The following SH2D4B variants were observed in gnomAD, a reference collection of about 807,000 sequenced individuals.
SH2D4B encodes SH2 domain containing 4B.
Under a neutral mutation model 61.5 loss-of-function variants are expected in SH2D4B, and 45 were observed. The ratio of observed to expected loss-of-function variants is 0.73; its 90% CI spans 0.58 to 0.94. SH2D4B has a LOEUF of 0.94. Ranked by LOEUF, SH2D4B falls within the 40% of genes least tolerant of loss-of-function variation. SH2D4B has a pLI of 0.00. For missense variants in SH2D4B, 572 were observed against 574.2 expected (o/e 1.00, Z 0.04); for synonymous variants, 224 against 220.4 (o/e 1.02, Z -0.14).
chr10:80,565,630 G>T (rs1459001823), intron 1 of SH2D4B, among the ~76,000 whole-genome samples: 1 of 152,024 alleles, frequency 6.6e-6, no homozygotes, highest in South Asian at 2.1e-4. Context: ...TGCTGCAATG[G>T]GTAATACTAG....
Position 80,538,602 on chromosome 10 carries a change from A to G in SH2D4B, c.184+87A>G, listed in dbSNP as rs919256830. ...CAGGGCCAGGCTGTGCCCTTCTTCA[A>G]GATGGGCACTGGGGTGATGAGGGCT... On this transcript the variant is annotated intron_variant, in intron 1 of 7. Transcript: ENST00000646907. This position sits in a 1 kb window ranked among gnomAD's most constrained non-coding sequence, Gnocchi z 4.8. 3.5e-6 allele frequency: 4 copies of G among 1,141,308 alleles called. No individual in the cohort carries two copies. In the African/African-American group the frequency reaches 4.8e-5, roughly 14 times the overall value. The allele number at this position is 1,141,308 out of a possible 1,614,324, so 70.7% of individuals were successfully genotyped here. A position where few individuals can be genotyped will look rare whatever the true frequency, so the allele number is the denominator to read the frequency against.
At chr10:80,570,946 C>T (rs1362203010) in intron 2 of SH2D4B, among the ~76,000 whole-genome samples, 1 of 152,128 alleles carries the variant, frequency 6.6e-6, no homozygotes, top group Non-Finnish European at 1.5e-5. Context: ...ATGATCAAGG[C>T]TCACTGCAGC....
At chr10:80,613,664 G>T (rs953982114) in intron 6 of SH2D4B, among the ~76,000 whole-genome samples, 1 of 152,238 alleles carries the variant, frequency 6.6e-6, no homozygotes, top group East Asian at 1.9e-4. Flanking sequence ...ATGCTTCTTC[G>T]TGAGCAAGCA....
At position 80,615,401 on chromosome 10, in the gene SH2D4B, A is replaced by G. The variant is rs77520916; in HGVS notation, c.988+5850A>G. ...TATTCCATTCTGGCTGTCTCTTTGC[A>G]TATACTGCCATCCAGGGATGGAAAC... On this transcript the variant is annotated intron_variant, in intron 6 of 7. Transcript: ENST00000646907. Among the ~76,000 whole-genome samples, 825 of 152,312 alleles carry G rather than the reference A, an allele frequency of 5.4e-3. 7 individuals are homozygous for G. The highest frequency in any genetic ancestry group is 0.019 in the African/African-American group (778 of 41,572).
chr10:80,577,721 C>T (rs533867938), intron 3 of SH2D4B, among the ~76,000 whole-genome samples: 80 of 150,870 alleles, frequency 5.3e-4, no homozygotes, highest in African/African-American at 1.5e-3. Flanking sequence ...CCACAGCGCC[C>T]GGCCTTTTTT....
At chr10:80,610,149 A>G (rs1434820247) in intron 6 of SH2D4B, among the ~76,000 whole-genome samples, 1 of 152,114 alleles carries the variant, frequency 6.6e-6, no homozygotes, top group Non-Finnish European at 1.5e-5. Flanking sequence ...TCTGTCTTCC[A>G]GCAGCTCTTT....
In SH2D4B at chr10:80,538,390, G is replaced by A. The variant is rs776053038; in HGVS notation, c.59G>A (p.Ser20Asn). Residue 20 changes from serine to asparagine, a missense_variant, in exon 1 of 8, where the codon AGC becomes AAC. Ser to Asn is a conservative substitution (Grantham distance 46, BLOSUM62 1). Coordinates refer to ENST00000646907, the MANE Select transcript of SH2D4B (RefSeq NM_001388272.1). This position sits in a 1 kb window ranked among gnomAD's most constrained non-coding sequence, Gnocchi z 4.8. The stretch of plus-strand genomic sequence containing the variant: ...GACCCCGAGCTCCTTGCCGAGCTCA[G>A]CGATGTGCAGAAGCACATCCTCTTC... ...YIDPELLAEL[S>N]DVQKHILFYK... 19 of 1,445,064 alleles carry A rather than the reference G, an allele frequency of 1.3e-5. No homozygotes were observed. The highest frequency in any genetic ancestry group is 1.6e-5 in the Non-Finnish European group (18 of 1,096,030). The allele number at this position is 1,445,064 out of a possible 1,614,324, so 89.5% of individuals were successfully genotyped here.
In SH2D4B at chr10:80,568,772, A is replaced by T. The variant is rs576724120; in HGVS notation, c.185-1382A>T. Among the ~76,000 whole-genome samples the T allele has an allele frequency of 7.6e-4, 115 of 152,272 alleles. No individual in the cohort carries two copies. The Middle Eastern group carries it at 0.014, about 18-fold the overall frequency. ...TTCCCTTTCTTTCAGCTTGCAAAGC[A>T]CTCAGTTCTTTCTTGAATTCATTTC... On this transcript the variant is annotated intron_variant, in intron 1 of 7. Coordinates refer to ENST00000646907, the MANE Select transcript of SH2D4B (RefSeq NM_001388272.1).
intron 6 of SH2D4B, among the ~76,000 whole-genome samples, chr10:80,633,424 A>C (rs924720673): frequency 6.6e-6 from 1 of 152,186 alleles, no homozygotes; most frequent in Non-Finnish European, 1.5e-5. Context: ...TGATCATCTA[A>C]ATGTCAAAGG....
intron 1 of SH2D4B, among the ~76,000 whole-genome samples, chr10:80,546,190 G>A (rs367639275): frequency 1.2e-4 from 18 of 150,144 alleles, no homozygotes; most frequent in East Asian, 3.9e-4. Context: ...GACTACAGGC[G>A]TGTGCCACCA....
At chr10:80,540,167 A>T (rs1841559345) in intron 1 of SH2D4B, among the ~76,000 whole-genome samples, 1 of 152,180 alleles carries the variant, frequency 6.6e-6, no homozygotes, top group Non-Finnish European at 1.5e-5. Context: ...TTTTTCTGGT[A>T]ATTAATTTTC....
chr10:80,545,591 A>G (rs1841666000), intron 1 of SH2D4B, among the ~76,000 whole-genome samples: 1 of 146,720 alleles, frequency 6.8e-6, no homozygotes, highest in Admixed American at 6.7e-5. Flanking sequence ...TTGCTTGTTT[A>G]CGGTCCATCT....
chr10:80,579,140 G>A (rs1358920513), intron 3 of SH2D4B, among the ~76,000 whole-genome samples: 1 of 152,148 alleles, frequency 6.6e-6, no homozygotes, highest in South Asian at 2.1e-4. Context: ...GAAAAGCCTG[G>A]TGATGGAGAG....
At chr10:80,542,934 G>T (rs544225399) in intron 1 of SH2D4B, among the ~76,000 whole-genome samples, 1 of 152,314 alleles carries the variant, frequency 6.6e-6, no homozygotes, top group East Asian at 1.9e-4. Flanking sequence ...ATTCCAGCCA[G>T]CAGAGTGCTC....
intron 3 of SH2D4B, among the ~76,000 whole-genome samples, chr10:80,572,965 TA>T (rs1842071649): frequency 4.9e-4 from 4 of 8,122 alleles, no homozygotes; most frequent in Non-Finnish European, 1.0e-3. Flanking sequence ...TATATATATA[TA>T]TATATATATA....
chr10:80,590,027 G>A (rs187451732), intron 4 of SH2D4B, among the ~76,000 whole-genome samples: 92 of 152,294 alleles, frequency 6.0e-4, no homozygotes, highest in Middle Eastern at 3.4e-3. Context: ...AAAGGAAGAC[G>A]TTTTTACTCA....
intron 1 of SH2D4B, among the ~76,000 whole-genome samples, chr10:80,544,427 A>G (rs1028317682): frequency 6.6e-6 from 1 of 152,244 alleles, no homozygotes. Context: ...TCTTGAAGTC[A>G]GTGAGACCAA....
rs12243349 is a variant in SH2D4B, at chr10:80,589,351, T to A, written c.643+574T>A. On this transcript the variant is annotated intron_variant, in intron 4 of 7. Coordinates refer to ENST00000646907, the MANE Select transcript of SH2D4B (RefSeq NM_001388272.1). ...AAATAAAAGCCTAGCCTGGGCAATA[T>A]AGTGAGACCCTGTCTCTACAAAAAA... 6.4e-3 allele frequency among the ~76,000 whole-genome samples: 973 copies of A among 152,204 alleles called. 11 individuals are homozygous for A. Among genetic ancestry groups the A allele is most frequent in the African/African-American group, 0.022 (934 of 41,544 alleles).
At chr10:80,638,373 C>T (rs1376201027) in intron 7 of SH2D4B, among the ~76,000 whole-genome samples, 2 of 152,166 alleles carry the variant, frequency 1.3e-5, no homozygotes, top group African/African-American at 2.4e-5. Flanking sequence ...ACCAGCTCCT[C>T]GTTGTACCTC....
Sources: gnomAD v4.1 joint callset for allele counts (sites outside exome capture counted in the v4.1 genomes callset) on GRCh38, gnomAD v4.1.1 for gene constraint, Gnocchi (gnomAD v3.1) non-coding constraint, MANE v1.5 for transcripts, NCBI Gene and HGNC (gene_info 2026-07-23, HGNC 2026-07-21) for gene names.